NR4A3: variants seen among roughly 807,000 people sequenced by gnomAD.
NR4A3 encodes the protein nuclear receptor subfamily 4 group A member 3.
A neutral mutation model predicts 55.6 loss-of-function variants in NR4A3; 13 were observed. The observed-to-expected ratio is 0.23, with a 90% CI of 0.15 to 0.37. NR4A3 has a LOEUF of 0.37. Ranked by LOEUF, NR4A3 falls within the 10% of genes least tolerant of loss-of-function variation. The pLI is 1.00. For synonymous variants in NR4A3, 342 were observed against 357.9 expected, an observed-to-expected ratio of 0.96 and a Z score of 0.50; for missense variants, 646 against 822.8, an observed-to-expected ratio of 0.79 and a Z score of 2.63.
Position 99,837,904 on chromosome 9 carries a change from T to G in NR4A3, c.1254+4450T>G. Among the ~76,000 whole-genome samples, 2 of 152,170 alleles carry G rather than the reference T, an allele frequency of 1.3e-5. 1 individual carries two copies. The highest frequency in any genetic ancestry group is 2.9e-5 in the Non-Finnish European group (2 of 68,008). On this transcript the variant is annotated intron_variant, in intron 5 of 7. Transcript: ENST00000395097. ...GAGCAGTTTTCTCCATTTGTGGGAATGGGAGGTGGAGGGGTTTTGTTCCAA... is the reference window on the plus strand; with the variant it reads ...GAGCAGTTTTCTCCATTTGTGGGAAGGGGAGGTGGAGGGGTTTTGTTCCAA...
At chr9:99,832,957 C>G (rs1564031577) in intron 4 of NR4A3, 139 bp downstream of exon 4, 5 of 742,530 alleles carry the variant, frequency 6.7e-6, no homozygotes, top group African/African-American at 1.8e-5. Context: ...TCATATATAT[C>G]TACATTTTAA....
chr9:99,827,354 C>A (rs1827320992), intron 2 of NR4A3, among the ~76,000 whole-genome samples: 1 of 151,278 alleles, frequency 6.6e-6, no homozygotes, highest in Non-Finnish European at 1.5e-5. Flanking sequence ...GCAGATGGTA[C>A]AAACTCTCCC....
Position 99,866,729 on chromosome 9 carries a change from T to C in NR4A3, c.*2862T>C, listed in dbSNP as rs1013856212. 3 of 222,536 alleles carry C rather than the reference T, an allele frequency of 1.3e-5. No homozygotes were observed. Among genetic ancestry groups the C allele is most frequent in the Non-Finnish European group, 2.7e-5 (3 of 110,998 alleles). 13.8% of individuals were successfully genotyped at this position (222,536 alleles called of 1,614,324 possible). On this transcript the variant is annotated 3_prime_UTR_variant, in exon 8 of 8. Coordinates refer to ENST00000395097, the MANE Select transcript of NR4A3 (RefSeq NM_006981.4). Reference sequence around the variant, plus strand: ...AAATCAGGAAGCCACCAGCTGTTAATGGAGAGTGCCTTGCTTTTATTTCAG... The same window carrying C: ...AAATCAGGAAGCCACCAGCTGTTAACGGAGAGTGCCTTGCTTTTATTTCAG...
chr9:99,835,277 A>G (rs1272598396), intron 5 of NR4A3, among the ~76,000 whole-genome samples: 2 of 152,226 alleles, frequency 1.3e-5, no homozygotes, highest in Non-Finnish European at 2.9e-5. Context: ...TATTTCACAG[A>G]TAAGGAAATT....
chr9:99,860,933 T>C (rs1188828831), intron 7 of NR4A3, among the ~76,000 whole-genome samples: 1 of 152,238 alleles, frequency 6.6e-6, no homozygotes, highest in East Asian at 1.9e-4. Flanking sequence ...TTTATTATCA[T>C]TGTACTTTTT....
chr9:99,847,406 G>C, intron 6 of NR4A3, 31 bp from the exon 7 acceptor site: 3 of 1,606,030 alleles, frequency 1.9e-6, no homozygotes, highest in Non-Finnish European at 2.6e-6. Context: ...GAACAGACCT[G>C]TTTAATGTTT....
chr9:99,858,785 A>G (rs1419771587), intron 7 of NR4A3, among the ~76,000 whole-genome samples: 4 of 152,218 alleles, frequency 2.6e-5, no homozygotes, highest in African/African-American at 9.6e-5. Flanking sequence ...CTTAAAGATA[A>G]TCTTTGTCCT....
chr9:99,833,952 G>T, intron 5 of NR4A3: 9 of 1,163,118 alleles, frequency 7.7e-6, no homozygotes, highest in Non-Finnish European at 9.6e-6. Flanking sequence ...GTTGTCAGGA[G>T]AACTGGGATG....
Position 99,825,194 on chromosome 9 carries a change from T to C in NR4A3, c.-176-465T>C, listed in dbSNP as rs778726306. Among the ~76,000 whole-genome samples, 14 of 151,594 alleles carry C rather than the reference T, an allele frequency of 9.2e-5. No individual in the cohort carries two copies. The highest frequency in any genetic ancestry group is 2.6e-4 in the Admixed American group (4 of 15,234). On this transcript the variant is annotated intron_variant, in intron 1 of 7. Transcript: ENST00000395097. This position sits in a 1 kb window ranked among gnomAD's most constrained non-coding sequence, Gnocchi z 5.0. ...CCTATGCAACGTGTAAAATTTGTAT[T>C]TGAGGGGTGGGGGCGGGCGGAGCTG...
chr9:99,831,948 AG>A (rs1004874919), intron 3 of NR4A3, among the ~76,000 whole-genome samples: 1 of 152,188 alleles, frequency 6.6e-6, no homozygotes, highest in Non-Finnish European at 1.5e-5. Context: ...ACCTATTAAT[AG>A]GAATTTTCAC....
intron 5 of NR4A3, among the ~76,000 whole-genome samples, chr9:99,838,947 T>A (rs1456227116): frequency 6.6e-6 from 1 of 152,224 alleles, no homozygotes; most frequent in Non-Finnish European, 1.5e-5. Context: ...GAGATATAAA[T>A]TTTCCTGAAA....
rs201698924 is a variant in NR4A3, at chr9:99,832,684, C to T, written c.952-5C>T. The T allele has an allele frequency of 6.5e-5, 103 of 1,584,002 alleles. No homozygotes were observed. In the African/African-American group the frequency reaches 1.2e-3, roughly 18 times the overall value. Reference sequence around the variant, plus strand: ...AGTTGACTATCTTGTATTATATTTTCTCAGAGAACAGTGCAGAAAAATGCA... The same window carrying T: ...AGTTGACTATCTTGTATTATATTTTTTCAGAGAACAGTGCAGAAAAATGCA... On this transcript the variant is annotated splice_region_variant and splice_polypyrimidine_tract_variant and intron_variant, in intron 3 of 7. Coordinates refer to ENST00000395097, the MANE Select transcript of NR4A3 (RefSeq NM_006981.4).
rs1587892008 is a variant in NR4A3, at chr9:99,864,879, G to A, written c.*1012G>A. On this transcript the variant is annotated 3_prime_UTR_variant, in exon 8 of 8. Coordinates refer to ENST00000395097, the MANE Select transcript of NR4A3 (RefSeq NM_006981.4). The stretch of plus-strand genomic sequence containing the variant: ...AGAACATGCAAATCAGCAGGAACTG[G>A]TCATACAGGGTAAGCACCAGGGACA... 1 of 215,970 alleles carries A rather than the reference G, an allele frequency of 4.6e-6. No individual in the cohort carries two copies. Among genetic ancestry groups the A allele is most frequent in the East Asian group, 6.9e-5 (1 of 14,564 alleles). 13.4% of individuals were successfully genotyped at this position (215,970 alleles called of 1,614,324 possible).
chr9:99,837,782 C>T (rs1216270743), intron 5 of NR4A3, among the ~76,000 whole-genome samples: 1 of 152,174 alleles, frequency 6.6e-6, no homozygotes, highest in African/African-American at 2.4e-5. Flanking sequence ...TAGCTTCCCC[C>T]AGTGAGTCAG....
chr9:99,828,491 C>T lies in NR4A3; in HGVS notation c.449C>T (p.Pro150Leu), dbSNP rs774898366. 1 of 1,581,566 alleles carries T rather than the reference C, an allele frequency of 6.3e-7. No homozygotes were observed. Residue 150 changes from proline (P) to leucine (L), a missense_variant, in exon 3 of 8, where the codon CCG (proline) becomes CTG (leucine). Coordinates refer to ENST00000395097, the MANE Select transcript of NR4A3 (RefSeq NM_006981.4). The surrounding 1 kb of genome is among the most constrained non-coding windows in gnomAD (Gnocchi z 7.7). The stretch of plus-strand genomic sequence containing the variant: ...ACCCCCACCACGCCGGCCTTCCCCC[C>T]GCAGGCGGGGGCGTTATGGGACGAG... Reference protein sequence around the residue: ...PSTPTTPAFPPQAGALWDEAL... With the variant: ...PSTPTTPAFPLQAGALWDEAL...
Position 99,828,095 on chromosome 9 carries a change from C to G in NR4A3, c.53C>G (p.Ala18Gly). The change falls in exon 3 of 8, where the codon GCG becomes GGG. Residue 18 changes from alanine to glycine, a missense_variant. Coordinates refer to ENST00000395097, the MANE Select transcript of NR4A3 (RefSeq NM_006981.4). The surrounding 1 kb of genome is among the most constrained non-coding windows in gnomAD (Gnocchi z 7.7). ...CCTTCCCCTCCAGGTTCCAGTTATG[C>G]GGCGCAGACATACAGCTCGGAATAC... Reference protein sequence around the residue: ...YSPSPPGSSYAAQTYSSEYTT... With the variant: ...YSPSPPGSSYGAQTYSSEYTT... The G allele has an allele frequency of 1.2e-6, 2 of 1,614,028 alleles. No homozygotes were observed. Among genetic ancestry groups the G allele is most frequent in the Non-Finnish European group, 1.7e-6 (2 of 1,179,994 alleles).
At chr9:99,827,999 T>A (rs543811833) in intron 2 of NR4A3, 42 bp from the exon 3 acceptor site, 1 of 1,572,482 alleles carries the variant, frequency 6.4e-7, no homozygotes, top group African/African-American at 1.3e-5. Context: ...AGAAAACAAG[T>A]GTTAACTTGC....
intron 2 of NR4A3, chr9:99,826,588 A>G: frequency 1.7e-6 from 1 of 592,924 alleles, no homozygotes; most frequent in East Asian, 2.8e-5. Flanking sequence ...CTTTCTTTTA[A>G]ATGATTAGCC....
Position 99,864,620 on chromosome 9 carries a change from C to A in NR4A3, c.*753C>A. The A allele has an allele frequency of 4.4e-6, 1 of 228,554 alleles. No individual in the cohort carries two copies. Among genetic ancestry groups the A allele is most frequent in the Non-Finnish European group, 8.7e-6 (1 of 114,834 alleles). The allele number at this position is 228,554 out of a possible 1,614,324, so 14.2% of individuals were successfully genotyped here. A position where few individuals can be genotyped will look rare whatever the true frequency, so the allele number is the denominator to read the frequency against. ...TGTTCACCTTCCCTGTCGATCCCTTCTGAGGTATGGCCCATCCAAGACTTT... is the reference window on the plus strand; with the variant it reads ...TGTTCACCTTCCCTGTCGATCCCTTATGAGGTATGGCCCATCCAAGACTTT... On this transcript the variant is annotated 3_prime_UTR_variant, in exon 8 of 8. Coordinates refer to ENST00000395097, the MANE Select transcript of NR4A3 (RefSeq NM_006981.4).
Sources: gnomAD v4.1 joint callset for allele counts (sites outside exome capture counted in the v4.1 genomes callset) on GRCh38, gnomAD v4.1.1 for gene constraint, Gnocchi (gnomAD v3.1) non-coding constraint, MANE v1.5 for transcripts, NCBI Gene and HGNC (gene_info 2026-07-23, HGNC 2026-07-21) for gene names.